FMN2: variants seen among roughly 807,000 people sequenced by gnomAD.
FMN2 encodes formin 2, also known as formin-2.
FMN2 carries 51 observed loss-of-function variants against 142.3 expected under a neutral mutation model. The ratio of observed to expected loss-of-function variants is 0.36; its 90% CI spans 0.29 to 0.45. The LOEUF (loss-of-function observed/expected upper bound fraction) is 0.45, where lower values mean the gene tolerates loss of function less well. Among genes scored for constraint, FMN2 ranks in the 20% least tolerant of loss-of-function variants. The pLI is 1.00. For synonymous variants in FMN2, 882 were observed against 869.8 expected (o/e 1.01, Z -0.25); for missense variants, 1,936 against 2,122.8 (o/e 0.91, Z 1.73).
chr1:240,358,132 C>T (rs537758025), intron 14 of FMN2, among the ~76,000 whole-genome samples: 3 of 152,262 alleles, frequency 2.0e-5, no homozygotes, highest in Admixed American at 6.5e-5. Context: ...TGCATCTGTT[C>T]GAGTTTTCTG....
intron 1 of FMN2, among the ~76,000 whole-genome samples, chr1:240,113,500 G>A (rs1439726985): frequency 6.9e-6 from 1 of 145,092 alleles, no homozygotes; most frequent in Non-Finnish European, 1.5e-5. Flanking sequence ...AGAGGTCGCA[G>A]TGAGCCGAGA....
At chr1:240,110,744 G>A (rs1440062175) in intron 1 of FMN2, among the ~76,000 whole-genome samples, 2 of 151,924 alleles carry the variant, frequency 1.3e-5, no homozygotes, top group Non-Finnish European at 2.9e-5. Flanking sequence ...ATAAGTCCCC[G>A]ACTCTCATTT....
intron 15 of FMN2, among the ~76,000 whole-genome samples, chr1:240,400,240 C>T (rs998267013): frequency 2.0e-5 from 3 of 152,104 alleles, no homozygotes; most frequent in African/African-American, 7.2e-5. Flanking sequence ...AGCATCAGAT[C>T]AGGAGGTCAG....
intron 15 of FMN2, among the ~76,000 whole-genome samples, chr1:240,426,424 A>G (rs1674937937): frequency 6.6e-6 from 1 of 152,312 alleles, no homozygotes; most frequent in East Asian, 1.9e-4. Flanking sequence ...ATATTTCTAG[A>G]ATGCCATTTT....
At chr1:240,227,114 A>G (rs7524006) in intron 6 of FMN2, among the ~76,000 whole-genome samples, 25,878 of 152,186 alleles carry the variant, frequency 0.17, 2,462 homozygotes, top group Middle Eastern at 0.31. Context: ...ATTAGAAGAA[A>G]CTATTAGACG....
chr1:240,182,276 G>A (rs1316952920), intron 3 of FMN2, among the ~76,000 whole-genome samples: 2 of 151,706 alleles, frequency 1.3e-5, no homozygotes, highest in Admixed American at 6.6e-5. Context: ...TGTGAATAGG[G>A]ACTTGATCAT....
intron 15 of FMN2, among the ~76,000 whole-genome samples, chr1:240,422,415 T>C (rs895715580): frequency 1.3e-5 from 2 of 152,240 alleles, no homozygotes; most frequent in African/African-American, 4.8e-5. Flanking sequence ...TTTCCAAAAA[T>C]TGATTTCTTT....
chr1:240,143,639 C>T, intron 2 of FMN2: 1 of 1,610,174 alleles, frequency 6.2e-7, no homozygotes, highest in South Asian at 1.1e-5. Context: ...TCTGATGCAA[C>T]CTCCAGTGCA....
chr1:240,440,079 CGTT>C (rs1675556921), intron 16 of FMN2, among the ~76,000 whole-genome samples: 1 of 152,270 alleles, frequency 6.6e-6, no homozygotes, highest in African/African-American at 2.4e-5. Flanking sequence ...GGACTGATGA[CGTT>C]GTCACTTTGG....
intron 13 of FMN2, among the ~76,000 whole-genome samples, chr1:240,336,401 G>A (rs890499284): frequency 6.6e-6 from 1 of 151,932 alleles, no homozygotes; most frequent in African/African-American, 2.4e-5. Context: ...CATCAGACCT[G>A]TGCCCTTGGC....
intron 14 of FMN2, among the ~76,000 whole-genome samples, chr1:240,367,576 G>T (rs1284526914): frequency 1.3e-5 from 2 of 151,806 alleles, no homozygotes; most frequent in African/African-American, 4.8e-5. Flanking sequence ...AGACCATCCT[G>T]GCTAACACGG....
chr1:240,115,548 G>C (rs1004297554), intron 1 of FMN2, among the ~76,000 whole-genome samples: 1 of 152,086 alleles, frequency 6.6e-6, no homozygotes, highest in Non-Finnish European at 1.5e-5. Context: ...CCCACTTCTG[G>C]GTTTTGGGAT....
chr1:240,183,364 C>G (rs1015511524), intron 3 of FMN2, among the ~76,000 whole-genome samples: 1 of 149,978 alleles, frequency 6.7e-6, no homozygotes, highest in Non-Finnish European at 1.5e-5. Flanking sequence ...AATAGACTGA[C>G]TGTGTCTCCC....
At chr1:240,314,344 G>A (rs181348881) in intron 8 of FMN2, among the ~76,000 whole-genome samples, 66 of 152,256 alleles carry the variant, frequency 4.3e-4, no homozygotes, top group African/African-American at 1.5e-3. Context: ...GAGAAAGGGA[G>A]AAAGGGAGGG....
intron 2 of FMN2, among the ~76,000 whole-genome samples, chr1:240,149,395 G>T (rs550888709): frequency 4.6e-5 from 7 of 152,264 alleles, no homozygotes; most frequent in Admixed American, 3.3e-4. Context: ...TGCATAAAAT[G>T]AACAAGGTAC....
chr1:240,192,178 C>G (rs1665725129), intron 4 of FMN2, among the ~76,000 whole-genome samples: 1 of 152,106 alleles, frequency 6.6e-6, no homozygotes, highest in African/African-American at 2.4e-5. Context: ...TGTTATAGTA[C>G]TCTTTATGCA....
At chr1:240,309,923 C>T (rs911951459) in intron 8 of FMN2, among the ~76,000 whole-genome samples, 1 of 152,020 alleles carries the variant, frequency 6.6e-6, no homozygotes. Context: ...GTGTCATGCT[C>T]ATATGAAAGT....
chr1:240,199,607 A>G (rs1666052611), intron 4 of FMN2, among the ~76,000 whole-genome samples: 1 of 152,186 alleles, frequency 6.6e-6, no homozygotes, highest in Non-Finnish European at 1.5e-5. Flanking sequence ...AGAGCTAACC[A>G]TCACCACCCA....
intron 6 of FMN2, among the ~76,000 whole-genome samples, chr1:240,235,591 T>A (rs35339684): frequency 0.3 from 45,071 of 151,550 alleles, 8,126 homozygotes; most frequent in Non-Finnish European, 0.4. Context: ...AAAAATTTTT[T>A]ATTATTTTTT....
Sources: gnomAD v4.1 joint callset for allele counts (sites outside exome capture counted in the v4.1 genomes callset) on GRCh38, gnomAD v4.1.1 for gene constraint, MANE v1.5 for transcripts, NCBI Gene and HGNC (gene_info 2026-07-23, HGNC 2026-07-21) for gene names.